Variants in FSCN2 observed in about 807,000 individuals in gnomAD.
FSCN2 encodes the protein fascin-2.
FSCN2 carries 46 observed loss-of-function variants against 37.8 expected under a neutral mutation model. That is an observed-to-expected ratio of 1.22 (90% CI 0.96 to 1.56). The LOEUF is 1.56. FSCN2 is among the 40% of genes most tolerant of loss of function. The probability of loss-of-function intolerance (pLI) is 0.00; values close to 1 mark genes in which losing one functional copy is unlikely to be tolerated. For missense variants in FSCN2, 844 were observed against 730.4 expected, an observed-to-expected ratio of 1.16 and a Z score of -1.79; for synonymous variants, 351 against 309.4, an observed-to-expected ratio of 1.13 and a Z score of -1.41.
chr17:81,521,307 A>T, the FSCN2 span, among the ~76,000 whole-genome samples: 1 of 150,574 alleles, frequency 6.6e-6, no homozygotes, highest in African/African-American at 2.5e-5. Context: ...ACCTCAGGTG[A>T]TCCACCCGCC....
At chr17:81,534,411 G>A (rs904515450) in intron 1 of FSCN2, among the ~76,000 whole-genome samples, 3 of 152,162 alleles carry the variant, frequency 2.0e-5, no homozygotes, top group African/African-American at 7.2e-5. Flanking sequence ...GTGGTTTGTG[G>A]GAGGAGCCAG....
At position 81,528,494 on chromosome 17, in the gene FSCN2, G is replaced by C. The variant is rs868994625; in HGVS notation, c.-38G>C. ...CGGGGGCCGTGAGCACTCAGAGGGCGCATCCCAGGCCCCTCCGGGGACCCG... is the reference window on the plus strand; with the variant it reads ...CGGGGGCCGTGAGCACTCAGAGGGCCCATCCCAGGCCCCTCCGGGGACCCG... On this transcript the variant is annotated 5_prime_UTR_variant, in exon 1 of 5. Coordinates refer to ENST00000417245, the MANE Select transcript of FSCN2 (RefSeq NM_012418.4). 43 of 1,475,814 alleles carry C rather than the reference G, an allele frequency of 2.9e-5. No homozygotes were observed. The highest frequency in any genetic ancestry group is 3.4e-4 in the Middle Eastern group (2 of 5,800). 91.4% of individuals were successfully genotyped at this position (1,475,814 alleles called of 1,614,324 possible).
chr17:81,531,710 AGTGATGGTG>A (rs1321719767), intron 1 of FSCN2, among the ~76,000 whole-genome samples: 53 of 32,488 alleles, frequency 1.6e-3, no homozygotes, highest in Non-Finnish European at 1.6e-3. Context: ...TGATGATGAT[AGTGATGGTG>A]GTGATGGTGA....
At chr17:81,519,784 C>T in the FSCN2 span, among the ~76,000 whole-genome samples, 10 of 152,146 alleles carry the variant, frequency 6.6e-5, no homozygotes, top group African/African-American at 2.2e-4. Context: ...CCACTCACTG[C>T]CCACGCTAGA....
At position 81,536,931 on chromosome 17, in the gene FSCN2, G is replaced by A. The variant is rs1407669664; in HGVS notation, c.1330G>A (p.Glu444Lys). 8.3e-6 allele frequency: 13 copies of A among 1,572,050 alleles called. No individual in the cohort carries two copies. The highest frequency in any genetic ancestry group is 3.6e-5 in the Admixed American group (2 of 56,276). ...CCACGGCAGCGTGTGCAGCGACGGC[G>A]AACGCGCCGAGGACTTCGTCTTCGA... ...GSHGSVCSDG[E>K]RAEDFVFEFR... is the part of the protein sequence containing the mutation. The change falls in exon 5 of 5, where the codon GAA becomes AAA. Residue 444 changes from glutamate to lysine, a missense_variant. By Grantham distance (56) the Glu-to-Lys change is moderately conservative. Coordinates refer to ENST00000417245, the MANE Select transcript of FSCN2 (RefSeq NM_012418.4).
chr17:81,529,549 C>T (rs369454307), intron 1 of FSCN2, 192 bp downstream of exon 1: 30 of 760,528 alleles, frequency 3.9e-5, no homozygotes, highest in South Asian at 2.6e-4. Flanking sequence ...CATGCCCAGG[C>T]GACCCCCACT....
At chr17:81,532,777 G>A (rs1483811338) in intron 1 of FSCN2, among the ~76,000 whole-genome samples, 1 of 37,900 alleles carries the variant, frequency 2.6e-5, no homozygotes, top group Non-Finnish European at 5.3e-5. Flanking sequence ...GTGATGGAGG[G>A]GTGCTGACAG....
At chr17:81,520,817 T>C in the FSCN2 span, among the ~76,000 whole-genome samples, 1 of 152,266 alleles carries the variant, frequency 6.6e-6, no homozygotes, top group South Asian at 2.1e-4. Flanking sequence ...TTATCTTGGC[T>C]ACTTCCTAGG....
In FSCN2 at chr17:81,536,676, G is replaced by A. The variant is rs781025090; in HGVS notation, c.1160G>A (p.Arg387His). 6.8e-6 allele frequency: 11 copies of A among 1,611,096 alleles called. No individual in the cohort carries two copies. In the African/African-American group the frequency reaches 1.1e-4, roughly 16 times the overall value. The change falls in exon 4 of 5, where the codon CGC becomes CAC. Residue 387 changes from arginine to histidine, a missense_variant. Physicochemically the swap from Arg to His is conservative, Grantham distance 29. Coordinates refer to ENST00000417245, the MANE Select transcript of FSCN2 (RefSeq NM_012418.4). ...ATCAACCGGCCCATCCTGGTGCTGCGCGGCCTGGACGGCTTCGTCTGCCAC... is the reference window on the plus strand; with the variant it reads ...ATCAACCGGCCCATCCTGGTGCTGCACGGCCTGGACGGCTTCGTCTGCCAC... The part of the protein sequence containing the change: ...KLINRPILVL[R>H]GLDGFVCHHR...
Position 81,532,208 on chromosome 17 carries a change from G to C in FSCN2, c.827-2844G>C, listed in dbSNP as rs574906239. Among the ~76,000 whole-genome samples, 302 of 147,974 alleles carry C rather than the reference G, an allele frequency of 2.0e-3. 2 individuals are homozygous for C. The highest frequency in any genetic ancestry group is 7.2e-3 in the African/African-American group (282 of 39,300). ...TGGTGGTGATGGTGGTGGTGGTGAT[G>C]ATAGTGATGGTGATGATGATAATGG... On this transcript the variant is annotated intron_variant, in intron 1 of 4. Coordinates refer to ENST00000417245, the MANE Select transcript of FSCN2 (RefSeq NM_012418.4).
chr17:81,526,955 T>G (rs1247583721), upstream of FSCN2: 2 of 152,362 alleles, frequency 1.3e-5, no homozygotes, highest in Non-Finnish European at 1.5e-5. Context: ...CGCTGTGCCC[T>G]GGGGGGTATT....
intron 1 of FSCN2, among the ~76,000 whole-genome samples, chr17:81,534,006 G>C (rs996832468): frequency 1.3e-5 from 2 of 152,238 alleles, no homozygotes; most frequent in African/African-American, 4.8e-5. Flanking sequence ...CCAGGCAGCT[G>C]CTTTTAGTTC....
At chr17:81,522,089 C>G in the FSCN2 span, among the ~76,000 whole-genome samples, 1 of 152,218 alleles carries the variant, frequency 6.6e-6, no homozygotes, top group East Asian at 1.9e-4. Context: ...TCACTGCAAC[C>G]TCCGTCTCCT....
intron 1 of FSCN2, among the ~76,000 whole-genome samples, chr17:81,531,258 ATGATGGTGGTGATGGCGGTGGTGATGG>A (rs2032552010): frequency 7.1e-5 from 5 of 70,196 alleles, no homozygotes; most frequent in African/African-American, 3.5e-4. Context: ...GGTGATGGTG[ATGATGGTGGTGATGGCGGTGGTGATGG>A]TGATGGTGGT....
intron 3 of FSCN2, 71 bp downstream of exon 3, chr17:81,536,338 C>T (rs2032876502): frequency 1.3e-6 from 2 of 1,526,692 alleles, no homozygotes; most frequent in African/African-American, 1.4e-5. Context: ...GCCCAGACAC[C>T]CCATCTCCAC....
chr17:81,520,179 G>C, the FSCN2 span, among the ~76,000 whole-genome samples: 3 of 152,182 alleles, frequency 2.0e-5, no homozygotes. Context: ...TGCCGGACAG[G>C]GGATGTCCAG....
At chr17:81,516,859 C>G in the FSCN2 span, among the ~76,000 whole-genome samples, 2 of 146,412 alleles carry the variant, frequency 1.4e-5, no homozygotes, top group Non-Finnish European at 3.1e-5. Context: ...TTGTCCAATT[C>G]TCACCTGGTC....
chr17:81,517,776 G>A, the FSCN2 span, among the ~76,000 whole-genome samples: 1 of 47,988 alleles, frequency 2.1e-5, no homozygotes, highest in Non-Finnish European at 4.4e-5. Context: ...CCCCCCTCCA[G>A]TCCCACTCCT....
At chr17:81,531,902 AGTGATG>A (rs2032650974) in intron 1 of FSCN2, among the ~76,000 whole-genome samples, 2 of 53,706 alleles carry the variant, frequency 3.7e-5, no homozygotes, top group Non-Finnish European at 7.6e-5. Flanking sequence ...TGATGGTGAT[AGTGATG>A]GTGATGATGG....
Sources: allele counts gnomAD v4.1 joint callset (sites outside exome capture counted in the v4.1 genomes callset), GRCh38; gene constraint gnomAD v4.1.1; transcripts MANE v1.5; gene names NCBI Gene and HGNC (gene_info 2026-07-23, HGNC 2026-07-21).